COG5: variants seen among roughly 807,000 people sequenced by gnomAD.
COG5 encodes the protein component of oligomeric golgi complex 5.
A neutral mutation model predicts 110.4 loss-of-function variants in COG5; 86 were observed. That is an observed-to-expected ratio of 0.78 (90% CI 0.65 to 0.93). The LOEUF (loss-of-function observed/expected upper bound fraction) is 0.93, where lower values mean the gene tolerates loss of function less well. Ranked by LOEUF, COG5 falls within the 40% of genes least tolerant of loss-of-function variation. COG5 has a pLI of 0.00. For missense variants in COG5, 1,077 were observed against 987.0 expected (o/e 1.09, Z -1.22); for synonymous variants, 360 against 334.6 (o/e 1.08, Z -0.83).
intron 7 of COG5, among the ~76,000 whole-genome samples, chr7:107,386,209 T>C (rs1202527734): frequency 6.7e-6 from 1 of 148,696 alleles, no homozygotes; most frequent in African/African-American, 2.5e-5. Flanking sequence ...AAATAGCTTC[T>C]TTAAAGACTA....
intron 6 of COG5, among the ~76,000 whole-genome samples, chr7:107,460,930 A>T (rs1207273689): frequency 6.6e-6 from 1 of 152,128 alleles, no homozygotes; most frequent in Non-Finnish European, 1.5e-5. Flanking sequence ...TCTATTATCT[A>T]TTAAATTATT....
chr7:107,510,517 G>GGAATT (rs1425692998), intron 6 of COG5, among the ~76,000 whole-genome samples: 3 of 152,124 alleles, frequency 2.0e-5, no homozygotes, highest in Non-Finnish European at 4.4e-5. Context: ...AGGATACCCA[G>GGAATT]GAATTGAACT....
In COG5 at chr7:107,557,978, G is replaced by C; in HGVS notation, c.232C>G (p.Gln78Glu). The change falls in exon 2 of 22, where the codon CAG (glutamine) becomes GAG (glutamate). Residue 78 changes from glutamine (Q) to glutamate (E), a missense_variant and splice_region_variant. Physicochemically the swap from Gln to Glu is conservative, Grantham distance 29. Coordinates refer to ENST00000297135, the MANE Select transcript of COG5 (RefSeq NM_006348.5). ...ISQLDRELHL[Q>E]VVARHEDLLA... Reference sequence around the variant, plus strand: ...GGGACCCAGAAGATCAGAATTACCTGTAAGTGTAGTTCTCTGTCCAACTGA... The same window carrying C: ...GGGACCCAGAAGATCAGAATTACCTCTAAGTGTAGTTCTCTGTCCAACTGA... 1 of 1,613,984 alleles carries C rather than the reference G, an allele frequency of 6.2e-7. No individual in the cohort carries two copies. Among genetic ancestry groups the C allele is most frequent in the African/African-American group, 1.3e-5 (1 of 75,046 alleles).
At chr7:107,335,917 T>C (rs1482936438) in intron 10 of COG5, among the ~76,000 whole-genome samples, 4 of 152,038 alleles carry the variant, frequency 2.6e-5, no homozygotes, top group African/African-American at 7.2e-5. Flanking sequence ...CAAAAAGATA[T>C]ATAACAATTA....
At chr7:107,375,942 A>G (rs1346360709) in intron 7 of COG5, among the ~76,000 whole-genome samples, 1 of 151,928 alleles carries the variant, frequency 6.6e-6, no homozygotes, top group Non-Finnish European at 1.5e-5. Context: ...CTGAAACTCT[A>G]TTGGTTTATC....
At chr7:107,538,710 T>C (rs1025385894) in intron 5 of COG5, among the ~76,000 whole-genome samples, 2 of 151,488 alleles carry the variant, frequency 1.3e-5, no homozygotes, top group Non-Finnish European at 2.9e-5. Context: ...AGAGTTAGCA[T>C]ATGACCTAGC....
Position 107,416,165 on chromosome 7 carries a change from T to C in COG5, c.539-3533A>G, listed in dbSNP as rs987946938. Among the ~76,000 whole-genome samples the C allele has an allele frequency of 2.6e-5, 4 of 151,790 alleles. No homozygotes were observed. In the South Asian group the frequency reaches 6.2e-4, roughly 24 times the overall value. ...TTCTTAGGCACATACCCCAGAAATG[T>C]TGTCATATATGTGTATCAGAAGACA... is the stretch of plus-strand genomic sequence containing the variant. On this transcript the variant is annotated intron_variant, in intron 6 of 21. Transcript: ENST00000297135.
At chr7:107,341,347 T>C (rs1261791350) in intron 10 of COG5, among the ~76,000 whole-genome samples, 1 of 152,024 alleles carries the variant, frequency 6.6e-6, no homozygotes, top group African/African-American at 2.4e-5. Flanking sequence ...CCATAAGATA[T>C]ACAAAATGCT....
intron 5 of COG5, among the ~76,000 whole-genome samples, chr7:107,528,123 G>T (rs543321716): frequency 6.7e-6 from 1 of 149,188 alleles, no homozygotes; most frequent in African/African-American, 2.5e-5. Flanking sequence ...ACAGGGTCTC[G>T]CTCAGTTGCC....
intron 6 of COG5, among the ~76,000 whole-genome samples, chr7:107,514,274 A>T (rs1799758835): frequency 6.6e-6 from 1 of 151,748 alleles, no homozygotes; most frequent in Non-Finnish European, 1.5e-5. Flanking sequence ...TACTAACAAC[A>T]GTCAACCCAC....
chr7:107,270,126 C>T (rs981617448), intron 14 of COG5, among the ~76,000 whole-genome samples: 2 of 152,140 alleles, frequency 1.3e-5, no homozygotes, highest in Non-Finnish European at 2.9e-5. Flanking sequence ...TGATCACTCC[C>T]TCTGAATACT....
At chr7:107,348,382 G>C (rs763409511) in intron 10 of COG5, among the ~76,000 whole-genome samples, 7 of 152,010 alleles carry the variant, frequency 4.6e-5, no homozygotes, top group Non-Finnish European at 8.8e-5. Flanking sequence ...TCTGTTCCTT[G>C]AAAGTTTGGT....
intron 17 of COG5, among the ~76,000 whole-genome samples, chr7:107,240,603 G>A (rs1258612214): frequency 6.6e-6 from 1 of 152,184 alleles, no homozygotes; most frequent in African/African-American, 2.4e-5. Flanking sequence ...TTTTACTTAG[G>A]AATAGGTGTG....
At chr7:107,446,091 T>C (rs542891919) in intron 6 of COG5, among the ~76,000 whole-genome samples, 2 of 152,324 alleles carry the variant, frequency 1.3e-5, no homozygotes, top group Non-Finnish European at 1.5e-5. Flanking sequence ...ATGACAAACT[T>C]GACCAGTTCA....
At chr7:107,402,879 T>C (rs573296095) in intron 7 of COG5, among the ~76,000 whole-genome samples, 38 of 152,252 alleles carry the variant, frequency 2.5e-4, no homozygotes, top group Non-Finnish European at 4.0e-4. Flanking sequence ...ACTATAAATC[T>C]TTCCGATACA....
intron 6 of COG5, among the ~76,000 whole-genome samples, chr7:107,525,360 C>G (rs1038105393): frequency 1.6e-4 from 25 of 151,886 alleles, no homozygotes; most frequent in African/African-American, 6.0e-4. Context: ...TCAGTGATGA[C>G]AAACATCCAT....
intron 19 of COG5, among the ~76,000 whole-genome samples, chr7:107,217,085 T>C (rs1415671503): frequency 6.6e-6 from 1 of 152,052 alleles, no homozygotes; most frequent in Non-Finnish European, 1.5e-5. Context: ...GCGATTACTA[T>C]GACAAATCAT....
chr7:107,261,948 T>A (rs1275962797), intron 14 of COG5, among the ~76,000 whole-genome samples: 1 of 151,940 alleles, frequency 6.6e-6, no homozygotes, highest in Non-Finnish European at 1.5e-5. Flanking sequence ...TGGAGGACAG[T>A]GGCATGTTCT....
intron 17 of COG5, among the ~76,000 whole-genome samples, chr7:107,245,328 A>G (rs1328956513): frequency 6.6e-6 from 1 of 152,178 alleles, no homozygotes; most frequent in Non-Finnish European, 1.5e-5. Flanking sequence ...CTCTTTCACC[A>G]CTTCTATTCA....
Sources: gnomAD v4.1 joint callset for allele counts (sites outside exome capture counted in the v4.1 genomes callset) on GRCh38, gnomAD v4.1.1 for gene constraint, MANE v1.5 for transcripts, NCBI Gene and HGNC (gene_info 2026-07-23, HGNC 2026-07-21) for gene names.